ATP6V0A4: variants seen among roughly 807,000 people sequenced by gnomAD.
ATP6V0A4 encodes V-type proton ATPase 116 kDa subunit a 4.
Under a neutral mutation model 107.3 loss-of-function variants are expected in ATP6V0A4, and 86 were observed. The observed-to-expected ratio is 0.80, with a 90% CI of 0.67 to 0.96. The LOEUF is 0.96. ATP6V0A4 is among the 40% of genes least tolerant of loss of function. The pLI, the probability that ATP6V0A4 is intolerant of heterozygous loss-of-function variation, is 0.00. For synonymous variants in ATP6V0A4, 353 were observed against 381.4 expected (o/e 0.93, Z 0.87); for missense variants, 908 against 1,045.6 (o/e 0.87, Z 1.81).
intron 2 of ATP6V0A4, among the ~76,000 whole-genome samples, chr7:138,776,847 T>G (rs1202029248): frequency 2.0e-5 from 3 of 152,120 alleles, no homozygotes; most frequent in African/African-American, 4.8e-5. Flanking sequence ...AGAGGCTTAC[T>G]TAGAAAGTGG....
intron 2 of ATP6V0A4, among the ~76,000 whole-genome samples, chr7:138,777,436 G>A (rs1807710850): frequency 6.6e-6 from 1 of 151,934 alleles, no homozygotes; most frequent in Non-Finnish European, 1.5e-5. Flanking sequence ...CCAACATGGT[G>A]AAACCCCATC....
intron 1 of ATP6V0A4, among the ~76,000 whole-genome samples, chr7:138,792,028 G>A (rs377483276): frequency 1.3e-5 from 2 of 152,188 alleles, no homozygotes; most frequent in Non-Finnish European, 2.9e-5. Flanking sequence ...GAGTGGATAG[G>A]CCAGGTGTGG....
intron 1 of ATP6V0A4, among the ~76,000 whole-genome samples, chr7:138,795,197 T>G (rs916504561): frequency 4.6e-5 from 7 of 152,186 alleles, no homozygotes; most frequent in Non-Finnish European, 7.4e-5. Context: ...CCACCGTGCC[T>G]GGCCCAGCCT....
chr7:138,787,531 A>G (rs1808225833), intron 1 of ATP6V0A4, among the ~76,000 whole-genome samples: 1 of 152,172 alleles, frequency 6.6e-6, no homozygotes, highest in Admixed American at 6.5e-5. Context: ...GCATACCTGT[A>G]GCCCGAGCTA....
At chr7:138,723,203 T>C (rs1216443278) in intron 18 of ATP6V0A4, among the ~76,000 whole-genome samples, 2 of 152,192 alleles carry the variant, frequency 1.3e-5, no homozygotes, top group Non-Finnish European at 2.9e-5. Context: ...CAAATTATAG[T>C]CTTGACACTA....
chr7:138,742,054 G>A (rs1805659600), intron 14 of ATP6V0A4, among the ~76,000 whole-genome samples: 2 of 152,172 alleles, frequency 1.3e-5, no homozygotes, highest in Admixed American at 1.3e-4. Context: ...GTTAATTCGG[G>A]CCTTTCACAA....
At chr7:138,748,629 A>C (rs561833735) in intron 12 of ATP6V0A4, among the ~76,000 whole-genome samples, 35 of 151,916 alleles carry the variant, frequency 2.3e-4, no homozygotes, top group African/African-American at 8.4e-4. Flanking sequence ...CTGGTCTCGA[A>C]CTCCTGACCT....
At chr7:138,749,656 C>T (rs866581742) in intron 11 of ATP6V0A4, among the ~76,000 whole-genome samples, 22 of 152,252 alleles carry the variant, frequency 1.4e-4, no homozygotes, top group Middle Eastern at 3.4e-3. Context: ...TTCCAAATGG[C>T]TCTGGCCCTT....
At chr7:138,755,365 G>A (rs1806456997) in intron 10 of ATP6V0A4, among the ~76,000 whole-genome samples, 1 of 152,208 alleles carries the variant, frequency 6.6e-6, no homozygotes, top group African/African-American at 2.4e-5. Flanking sequence ...AATTGGCTGG[G>A]TGGTTGTATC....
chr7:138,714,949 T>A (rs1803955314), intron 20 of ATP6V0A4, among the ~76,000 whole-genome samples: 1 of 152,150 alleles, frequency 6.6e-6, no homozygotes, highest in East Asian at 1.9e-4. Flanking sequence ...CCCAATGTCA[T>A]CACTAGAGTC....
intron 5 of ATP6V0A4, among the ~76,000 whole-genome samples, 153 bp downstream of exon 5, chr7:138,768,627 G>C (rs1807210718): frequency 6.6e-6 from 1 of 152,090 alleles, no homozygotes; most frequent in Admixed American, 6.6e-5. Context: ...ATTTTCCTGG[G>C]GCTGTAACCC....
At chr7:138,774,671 C>CATTATATACATTATATATTATATAT (rs1431518725) in intron 2 of ATP6V0A4, among the ~76,000 whole-genome samples, 1 of 146,442 alleles carries the variant, frequency 6.8e-6, no homozygotes, top group Non-Finnish European at 1.5e-5. Flanking sequence ...ATATTATATA[C>CATTATATACATTATATATTATATAT]ATTATATATA....
chr7:138,738,931 G>A (rs1805478827), intron 15 of ATP6V0A4, among the ~76,000 whole-genome samples: 1 of 152,106 alleles, frequency 6.6e-6, no homozygotes. Context: ...GCATGCACTG[G>A]GCCAATAGAA....
chr7:138,783,016 A>G (rs1359206419), intron 2 of ATP6V0A4, among the ~76,000 whole-genome samples: 1 of 152,152 alleles, frequency 6.6e-6, no homozygotes, highest in African/African-American at 2.4e-5. Context: ...CGGAGGTTGC[A>G]GTGAGCCGAG....
At position 138,763,536 on chromosome 7, in the gene ATP6V0A4, G is replaced by A. The variant is rs1337903506; in HGVS notation, c.292-511C>T. The stretch of plus-strand genomic sequence containing the variant: ...CCAGCTACCCAGGAGGCCGAGGCAG[G>A]AGAGTTATTTGAACCCGGGAGGCAG... On this transcript the variant is annotated intron_variant, in intron 5 of 21. Coordinates refer to ENST00000310018, the MANE Select transcript of ATP6V0A4 (RefSeq NM_020632.3). Among the ~76,000 whole-genome samples the A allele has an allele frequency of 2.6e-5, 4 of 152,174 alleles. No individual in the cohort carries two copies. In the East Asian group the frequency reaches 7.7e-4, roughly 29 times the overall value.
rs756228070 is a variant in ATP6V0A4, at chr7:138,734,194, C to T, written c.1633G>A (p.Val545Met). The T allele has an allele frequency of 6.2e-7, 1 of 1,613,836 alleles. No homozygotes were observed. The highest frequency in any genetic ancestry group is 8.5e-7 in the Non-Finnish European group (1 of 1,179,778). ...FLNSYKMKMS[V>M]ILGIVQMVFG... ...ACCATCTGGACAATTCCCAGGATCA[C>T]CGACATCTTCATTTTATACGAGTTC... The change falls in exon 16 of 22, where the codon GTG becomes ATG. Residue 545 changes from valine to methionine, a missense_variant. Physicochemically the swap from Val to Met is conservative, Grantham distance 21 (BLOSUM62 1). Transcript: ENST00000310018.
chr7:138,779,121 G>A (rs911324089), intron 2 of ATP6V0A4, among the ~76,000 whole-genome samples: 1 of 152,074 alleles, frequency 6.6e-6, no homozygotes, highest in Admixed American at 6.6e-5. Context: ...CAGGTGGATT[G>A]CTTGAGCCCA....
At chr7:138,770,849 A>G (rs1054486502) in intron 3 of ATP6V0A4, among the ~76,000 whole-genome samples, 52 of 152,154 alleles carry the variant, frequency 3.4e-4, no homozygotes, top group Non-Finnish European at 6.3e-4. Flanking sequence ...TACATAAGAG[A>G]AAAAAAATTC....
At position 138,710,846 on chromosome 7, in the gene ATP6V0A4, G is replaced by A. The variant is rs940714292; in HGVS notation, c.2258-1051C>T. Among the ~76,000 whole-genome samples, 12 of 152,136 alleles carry A rather than the reference G, an allele frequency of 7.9e-5. No homozygotes were observed. The East Asian group carries it at 1.9e-3, about 25-fold the overall frequency. On this transcript the variant is annotated intron_variant, in intron 20 of 21. Coordinates refer to ENST00000310018, the MANE Select transcript of ATP6V0A4 (RefSeq NM_020632.3). ...AGAGACGCCCAACAACATCTTATAC[G>A]TAGTTTCAGGGGATTTACAGAAAGC...
Sources: gnomAD v4.1 joint callset for allele counts (sites outside exome capture counted in the v4.1 genomes callset) on GRCh38, gnomAD v4.1.1 for gene constraint, MANE v1.5 for transcripts, NCBI Gene and HGNC (gene_info 2026-07-23, HGNC 2026-07-21) for gene names.